Variants in PPM1H observed in about 807,000 individuals in gnomAD.
PPM1H encodes protein phosphatase 1H.
In PPM1H, 27 loss-of-function variants were observed where a neutral mutation model predicts 54.9. The ratio of observed to expected loss-of-function variants is 0.49; its 90% CI spans 0.36 to 0.68. The LOEUF (loss-of-function observed/expected upper bound fraction) is 0.68, where lower values mean the gene tolerates loss of function less well. Among genes scored for constraint, PPM1H ranks in the 30% least tolerant of loss-of-function variants. PPM1H has a pLI of 0.00. For synonymous variants in PPM1H, 305 were observed against 270.8 expected (o/e 1.13, Z -1.24); for missense variants, 596 against 667.8 (o/e 0.89, Z 1.19).
intron 5 of PPM1H, among the ~76,000 whole-genome samples, chr12:62,723,632 T>A (rs2120474125): frequency 6.6e-6 from 1 of 152,340 alleles, no homozygotes; most frequent in South Asian, 2.1e-4. Flanking sequence ...GATGCTAGTG[T>A]CTTGATCTTG....
chr12:62,674,747 T>G (rs2075976231), intron 8 of PPM1H, among the ~76,000 whole-genome samples: 1 of 152,224 alleles, frequency 6.6e-6, no homozygotes, highest in Non-Finnish European at 1.5e-5. Flanking sequence ...GAGCTGGACA[T>G]CGTATGCCTT....
intron 2 of PPM1H, among the ~76,000 whole-genome samples, chr12:62,809,806 C>T (rs2076824388): frequency 6.6e-6 from 1 of 152,204 alleles, no homozygotes. Context: ...CTCTTGCTTC[C>T]TTCAGTGGTC....
chr12:62,685,118 G>A (rs1210937779), intron 8 of PPM1H, among the ~76,000 whole-genome samples: 1 of 151,858 alleles, frequency 6.6e-6, no homozygotes, highest in Non-Finnish European at 1.5e-5. Flanking sequence ...AATCTTAGAC[G>A]CACTACATAC....
intron 3 of PPM1H, among the ~76,000 whole-genome samples, chr12:62,801,229 G>A (rs1194527704): frequency 2.6e-5 from 4 of 152,116 alleles, no homozygotes; most frequent in African/African-American, 7.2e-5. Flanking sequence ...CGTACCAGCT[G>A]GCATCAATAT....
chr12:62,756,041 C>A, intron 4 of PPM1H: 1 of 1,376,448 alleles, frequency 7.3e-7, no homozygotes, highest in Non-Finnish European at 1.0e-6. Flanking sequence ...CCCTCAAGGG[C>A]ATCCTGGGCT....
chr12:62,800,622 C>T (rs1478115637), intron 3 of PPM1H, among the ~76,000 whole-genome samples: 2 of 152,158 alleles, frequency 1.3e-5, no homozygotes, highest in Non-Finnish European at 2.9e-5. Context: ...CAGGCATGAA[C>T]CACCGTGCCC....
chr12:62,681,917 T>C (rs2076020899), intron 8 of PPM1H, among the ~76,000 whole-genome samples: 1 of 152,256 alleles, frequency 6.6e-6, no homozygotes, highest in Admixed American at 6.5e-5. Flanking sequence ...TTTTGTTAAG[T>C]ACTTCATATG....
intron 2 of PPM1H, among the ~76,000 whole-genome samples, chr12:62,815,253 AT>A (rs1346421290): frequency 6.6e-6 from 1 of 151,996 alleles, no homozygotes; most frequent in African/African-American, 2.4e-5. Context: ...CCTTAATTTC[AT>A]ATACTTTAAT....
chr12:62,660,216 T>C (rs145839199), intron 9 of PPM1H, among the ~76,000 whole-genome samples: 12 of 152,344 alleles, frequency 7.9e-5, no homozygotes, highest in Admixed American at 1.3e-4. Context: ...AACTGGTGTG[T>C]GAGTGTGGTG....
In PPM1H at chr12:62,844,973, A is replaced by G. The variant is rs1592631593; in HGVS notation, c.246-12694T>C. ...TTAAAGTGACCCCTAAACATTCTCC[A>G]GCAAAGAAGTAGCTGATAGATGTCA... On this transcript the variant is annotated intron_variant, in intron 1 of 9. Transcript: ENST00000228705. The surrounding 1 kb of genome is among the most constrained non-coding windows in gnomAD (Gnocchi z 5.2). Among the ~76,000 whole-genome samples, 1 of 152,246 alleles carries G rather than the reference A, an allele frequency of 6.6e-6. No homozygotes were observed. Among genetic ancestry groups the G allele is most frequent in the South Asian group, 2.1e-4 (1 of 4,828 alleles).
intron 1 of PPM1H, among the ~76,000 whole-genome samples, chr12:62,835,910 G>A (rs976086181): frequency 6.6e-6 from 1 of 152,140 alleles, no homozygotes; most frequent in Non-Finnish European, 1.5e-5. Flanking sequence ...TTAACTATAT[G>A]TGAACAAAAT....
At position 62,775,553 on chromosome 12, in the gene PPM1H, T is replaced by G. The variant is rs372410025; in HGVS notation, c.869+12673A>C. ...ACTGTTTATGAATTTACAAAATTAC[T>G]TACGCCTTGGTAGGCAAGATGGAAC... On this transcript the variant is annotated intron_variant, in intron 4 of 9. Coordinates refer to ENST00000228705, the MANE Select transcript of PPM1H (RefSeq NM_020700.2). Among the ~76,000 whole-genome samples the G allele has an allele frequency of 2.0e-5, 3 of 152,372 alleles. No individual in the cohort carries two copies. In the East Asian group the frequency reaches 5.8e-4, roughly 29 times the overall value.
chr12:62,730,551 T>C (rs1335994470), intron 5 of PPM1H, among the ~76,000 whole-genome samples: 9 of 152,242 alleles, frequency 5.9e-5, no homozygotes, highest in African/African-American at 2.2e-4. Flanking sequence ...ACTAGAATCC[T>C]CTACCTAAAA....
chr12:62,785,660 T>A (rs2076666584), intron 4 of PPM1H, among the ~76,000 whole-genome samples: 1 of 152,132 alleles, frequency 6.6e-6, no homozygotes, highest in African/African-American at 2.4e-5. Context: ...CCACTGCCTT[T>A]ATAGATGAAA....
intron 6 of PPM1H, among the ~76,000 whole-genome samples, chr12:62,695,461 T>C (rs1327184214): frequency 6.6e-6 from 1 of 152,156 alleles, no homozygotes; most frequent in Non-Finnish European, 1.5e-5. Flanking sequence ...GCAAAACAAA[T>C]GCTGCTGCTG....
chr12:62,839,294 C>T, intron 1 of PPM1H, among the ~76,000 whole-genome samples: 1 of 152,166 alleles, frequency 6.6e-6, no homozygotes, highest in Non-Finnish European at 1.5e-5. Flanking sequence ...CGAGGTGTTG[C>T]AAACTGGGGT....
chr12:62,848,888 G>A (rs538063471), intron 1 of PPM1H, among the ~76,000 whole-genome samples: 11 of 152,080 alleles, frequency 7.2e-5, no homozygotes, highest in Non-Finnish European at 1.6e-4. Flanking sequence ...GGTGGGGTTG[G>A]GGGGGCAGTC....
At chr12:62,762,742 C>T (rs2076517216) in intron 4 of PPM1H, among the ~76,000 whole-genome samples, 1 of 152,108 alleles carries the variant, frequency 6.6e-6, no homozygotes, top group African/African-American at 2.4e-5. Context: ...TGGGTCTCTT[C>T]TTCAGGTTCT....
intron 1 of PPM1H, among the ~76,000 whole-genome samples, chr12:62,864,062 G>A (rs1869693823): frequency 6.6e-6 from 1 of 152,238 alleles, no homozygotes; most frequent in Non-Finnish European, 1.5e-5. Flanking sequence ...ATTTGACAAT[G>A]TCTGAAGACA....
Sources: allele counts gnomAD v4.1 joint callset (sites outside exome capture counted in the v4.1 genomes callset), GRCh38; gene constraint gnomAD v4.1.1; non-coding constraint Gnocchi (gnomAD v3.1); transcripts MANE v1.5; gene names NCBI Gene and HGNC (gene_info 2026-07-23, HGNC 2026-07-21).